The following MTA3 variants were observed in gnomAD, a reference collection of about 807,000 sequenced individuals.
The protein encoded by MTA3 is metastasis-associated protein MTA3.
MTA3 carries 34 observed loss-of-function variants against 83.5 expected under a neutral mutation model. That is an observed-to-expected ratio of 0.41 (90% CI 0.31 to 0.54). The LOEUF (loss-of-function observed/expected upper bound fraction) is 0.54, where lower values mean the gene tolerates loss of function less well. Among genes scored for constraint, MTA3 ranks in the 20% least tolerant of loss-of-function variants. The pLI is 0.33. For synonymous variants in MTA3, 303 were observed against 252.7 expected (o/e 1.20, Z -1.89); for missense variants, 761 against 726.4 (o/e 1.05, Z -0.55).
chr2:42,664,135 T>C (rs540100645), intron 8 of MTA3, among the ~76,000 whole-genome samples: 9 of 152,312 alleles, frequency 5.9e-5, no homozygotes, highest in Non-Finnish European at 8.8e-5. Context: ...AGCGTCATTA[T>C]TGTCTTTCTT....
At chr2:42,673,429 C>CTT (rs1691025527) in intron 8 of MTA3, among the ~76,000 whole-genome samples, 3 of 152,070 alleles carry the variant, frequency 2.0e-5, no homozygotes. Context: ...ATTAAATGCA[C>CTT]TTTTGACTTA....
chr2:42,651,992 G>A (rs1558544886), intron 6 of MTA3, among the ~76,000 whole-genome samples: 1 of 152,116 alleles, frequency 6.6e-6, no homozygotes. Context: ...GCTACTTCGG[G>A]AGGCTGAGGC....
chr2:42,679,935 G>C (rs777663623), intron 8 of MTA3, among the ~76,000 whole-genome samples: 23 of 151,752 alleles, frequency 1.5e-4, no homozygotes, highest in Non-Finnish European at 2.9e-4. Context: ...TTATAATAAA[G>C]TGTGGTAGGT....
intron 8 of MTA3, among the ~76,000 whole-genome samples, chr2:42,662,090 G>T (rs1689774745): frequency 6.6e-6 from 1 of 152,002 alleles, no homozygotes; most frequent in Admixed American, 6.6e-5. Context: ...TTGAGATCTA[G>T]CCGTGTTAAT....
intron 3 of MTA3, among the ~76,000 whole-genome samples, chr2:42,583,623 G>C (rs915804724): frequency 6.6e-6 from 1 of 151,716 alleles, no homozygotes; most frequent in Admixed American, 6.6e-5. Flanking sequence ...AGCCTTCCCT[G>C]GTTCAAGCAA....
chr2:42,647,067 A>C (rs1320858683), intron 6 of MTA3, among the ~76,000 whole-genome samples: 37 of 148,220 alleles, frequency 2.5e-4, no homozygotes, highest in Admixed American at 4.0e-4. Flanking sequence ...GAGGCAGGAG[A>C]ATGGCGTGGA....
intron 16 of MTA3, among the ~76,000 whole-genome samples, chr2:42,734,809 A>T (rs934940524): frequency 6.6e-6 from 1 of 152,196 alleles, no homozygotes; most frequent in Middle Eastern, 3.2e-3. Flanking sequence ...CTGATTGCAT[A>T]AACAGACAAA....
chr2:42,747,025 G>A (rs1573842218), intron 16 of MTA3, among the ~76,000 whole-genome samples: 1 of 149,312 alleles, frequency 6.7e-6, no homozygotes, highest in African/African-American at 2.5e-5. Flanking sequence ...TTTTTGAGAT[G>A]GAGTCTCACT....
chr2:42,627,943 G>A (rs991878004), intron 4 of MTA3, among the ~76,000 whole-genome samples: 4 of 151,676 alleles, frequency 2.6e-5, no homozygotes, highest in African/African-American at 7.3e-5. Flanking sequence ...GGAGTGCAGC[G>A]GCGCCATCTT....
rs201895648 is a variant in MTA3, at chr2:42,638,004, C to CT, written c.318-2162dup. Reference sequence around the variant, plus strand: ...AGTGTTTATAACCAGTTACAGATTTCTTTTTTTCTTCTCCACTATCACTGT... The same window carrying CT: ...AGTGTTTATAACCAGTTACAGATTTCTTTTTTTTCTTCTCCACTATCACTGT... On this transcript the variant is annotated intron_variant, in intron 4 of 16. Coordinates refer to ENST00000405094, the MANE Select transcript of MTA3 (RefSeq NM_001330442.2). Among the ~76,000 whole-genome samples, 448 of 152,092 alleles carry CT rather than the reference C, an allele frequency of 2.9e-3. 1 individual carries two copies. Among genetic ancestry groups the CT allele is most frequent in the African/African-American group, 0.01 (419 of 41,502 alleles).
intron 8 of MTA3, among the ~76,000 whole-genome samples, chr2:42,675,497 A>G (rs1020241777): frequency 4.6e-5 from 7 of 152,182 alleles, no homozygotes; most frequent in Non-Finnish European, 2.9e-5. Context: ...AGAGTGCCCT[A>G]CAGTTTGTTA....
At chr2:42,556,443 T>TA (rs1175106598) in intron 2 of MTA3, among the ~76,000 whole-genome samples, 6 of 152,228 alleles carry the variant, frequency 3.9e-5, no homozygotes, top group African/African-American at 1.4e-4. Flanking sequence ...CAGTCCTGTT[T>TA]AAATATTTAG....
At chr2:42,743,772 T>C (rs1183217479) in intron 16 of MTA3, among the ~76,000 whole-genome samples, 1 of 151,978 alleles carries the variant, frequency 6.6e-6, no homozygotes, top group Admixed American at 6.6e-5. Context: ...CCCTGGGAAA[T>C]GGGTGGTGGT....
chr2:42,671,927 T>A (rs551573504), intron 8 of MTA3, among the ~76,000 whole-genome samples: 1 of 152,322 alleles, frequency 6.6e-6, no homozygotes, highest in Non-Finnish European at 1.5e-5. Flanking sequence ...TGGCTCGATT[T>A]CACCTTATAG....
intron 2 of MTA3, among the ~76,000 whole-genome samples, chr2:42,570,930 T>A (rs1678404374): frequency 1.3e-5 from 2 of 151,342 alleles, no homozygotes; most frequent in African/African-American, 2.4e-5. Context: ...GGAGAATCGC[T>A]TGAACCCGGG....
At chr2:42,675,766 T>G (rs143613516) in intron 8 of MTA3, among the ~76,000 whole-genome samples, 1 of 152,218 alleles carries the variant, frequency 6.6e-6, no homozygotes. Flanking sequence ...ATTTTCTTTA[T>G]TTACCCTACA....
At chr2:42,734,200 C>G (rs1240112076) in intron 16 of MTA3, among the ~76,000 whole-genome samples, 1 of 152,104 alleles carries the variant, frequency 6.6e-6, no homozygotes, top group African/African-American at 2.4e-5. Context: ...CTTTATGTAT[C>G]TGGGTGCTCC....
At chr2:42,514,882 G>C (rs1387464406) in intron 2 of MTA3, among the ~76,000 whole-genome samples, 1 of 149,384 alleles carries the variant, frequency 6.7e-6, no homozygotes, top group African/African-American at 2.5e-5. Context: ...TAGAGATGAG[G>C]TTGCCACTGT....
intron 2 of MTA3, among the ~76,000 whole-genome samples, chr2:42,556,071 C>G (rs149301665): frequency 7.7e-6 from 1 of 130,562 alleles, no homozygotes; most frequent in Non-Finnish European, 1.6e-5. Context: ...GACTCTGTCT[C>G]AAAAAACAAA....
Sources: allele counts gnomAD v4.1 joint callset (sites outside exome capture counted in the v4.1 genomes callset), GRCh38; gene constraint gnomAD v4.1.1; transcripts MANE v1.5; gene names NCBI Gene and HGNC (gene_info 2026-07-23, HGNC 2026-07-21).